CEP83: variants seen among roughly 807,000 people sequenced by gnomAD.
CEP83 encodes centrosomal protein of 83 kDa.
A neutral mutation model predicts 101.9 loss-of-function variants in CEP83; 70 were observed. The ratio of observed to expected loss-of-function variants is 0.69; its 90% confidence interval spans 0.57 to 0.84. CEP83 has a LOEUF of 0.84. Among genes scored for constraint, CEP83 ranks in the 40% least tolerant of loss-of-function variants. The pLI, the probability that CEP83 is intolerant of heterozygous loss-of-function variation, is 0.00. For synonymous variants in CEP83, 264 were observed against 267.9 expected, an observed-to-expected ratio of 0.99 and a Z score of 0.14; for missense variants, 715 against 787.2, an observed-to-expected ratio of 0.91 and a Z score of 1.10.
At chr12:94,356,277 TAAC>T (rs1206898922) in intron 11 of CEP83, among the ~76,000 whole-genome samples, 1 of 152,186 alleles carries the variant, frequency 6.6e-6, no homozygotes, top group Non-Finnish European at 1.5e-5. Context: ...TTCACACTGA[TAAC>T]AAGGAGGAAC....
intron 4 of CEP83, among the ~76,000 whole-genome samples, chr12:94,406,346 CAAA>C (rs1307329791): frequency 6.7e-6 from 1 of 149,542 alleles, no homozygotes; most frequent in East Asian, 2.0e-4. Flanking sequence ...CAAAACAAAA[CAAA>C]AACAACAACA....
chr12:94,305,327 G>A (rs1166289717), downstream of CEP83: 22 of 1,219,898 alleles, frequency 1.8e-5, no homozygotes, highest in African/African-American at 3.0e-5. Flanking sequence ...TTCTTCAGAC[G>A]ACTTGGGAGC....
chr12:94,426,803 G>C, intron 2 of CEP83, among the ~76,000 whole-genome samples: 1 of 152,110 alleles, frequency 6.6e-6, no homozygotes, highest in Non-Finnish European at 1.5e-5. Flanking sequence ...AAGAGGAAGA[G>C]GCAATGTGAC....
At chr12:94,358,962 T>C (rs2060613205) in intron 11 of CEP83, among the ~76,000 whole-genome samples, 2 of 152,256 alleles carry the variant, frequency 1.3e-5, no homozygotes, top group South Asian at 4.1e-4. Flanking sequence ...GGACAAGGAA[T>C]ACCTGGCCCG....
intron 8 of CEP83, among the ~76,000 whole-genome samples, chr12:94,373,774 T>C (rs931496372): frequency 6.6e-6 from 1 of 152,226 alleles, no homozygotes; most frequent in Non-Finnish European, 1.5e-5. Flanking sequence ...ATTTATGAAT[T>C]TGAGTAACTA....
At chr12:94,306,083 C>CA (rs1221715427), downstream of CEP83, 4 of 152,018 alleles carry the variant, frequency 2.6e-5, no homozygotes, top group South Asian at 4.1e-4. Context: ...GGATATTATA[C>CA]AAAAAAATCA....
chr12:94,459,849 G>T lies in CEP83; in HGVS notation c.-447C>A. 6.5e-6 allele frequency: 1 copy of T among 153,604 alleles called. No homozygotes were observed. The highest frequency in any genetic ancestry group is 2.0e-4 in the South Asian group (1 of 5,124). The allele number at this position is 153,604 out of a possible 1,614,324, so 9.5% of individuals were successfully genotyped here. Reference sequence around the variant, plus strand: ...GTGAAAAGCCCCACTCCTCCGCGTGGACCGGGATCCTCAGGGGTGCGGCGC... The same window carrying T: ...GTGAAAAGCCCCACTCCTCCGCGTGTACCGGGATCCTCAGGGGTGCGGCGC... On this transcript the variant is annotated 5_prime_UTR_variant, in exon 1 of 17. Coordinates refer to ENST00000397809, the MANE Select transcript of CEP83 (RefSeq NM_016122.3).
chr12:94,332,612 A>T (rs1441105710), intron 13 of CEP83, among the ~76,000 whole-genome samples: 1 of 152,182 alleles, frequency 6.6e-6, no homozygotes, highest in Non-Finnish European at 1.5e-5. Context: ...CATTTCAATC[A>T]AACACTTGAG....
chr12:94,382,778 T>C (rs1171045492), intron 6 of CEP83, among the ~76,000 whole-genome samples: 1 of 152,012 alleles, frequency 6.6e-6, no homozygotes, highest in African/African-American at 2.4e-5. Flanking sequence ...ATGGTCTATC[T>C]TGTATATGTT....
In CEP83 at chr12:94,308,730, T is replaced by C. The variant is rs755618373; in HGVS notation, c.*83A>G. ...AAGTGTTTTGGCAAACAGTAAAAAG[T>C]ATCTAAATGCCACAGGTTAAAATGT... On this transcript the variant is annotated 3_prime_UTR_variant, in exon 17 of 17. Coordinates refer to ENST00000397809, the MANE Select transcript of CEP83 (RefSeq NM_016122.3). The C allele has an allele frequency of 2.6e-4, 238 of 906,452 alleles. No homozygotes were observed. Among genetic ancestry groups the C allele is most frequent in the Admixed American group, 5.1e-4 (27 of 52,996 alleles). The allele number at this position is 906,452 out of a possible 1,614,324, so 56.2% of individuals were successfully genotyped here.
intron 11 of CEP83, among the ~76,000 whole-genome samples, chr12:94,354,485 C>T (rs1221694259): frequency 6.6e-6 from 1 of 152,104 alleles, no homozygotes; most frequent in Non-Finnish European, 1.5e-5. Context: ...CATGCTTGGC[C>T]AGAATATTCA....
chr12:94,278,144 ACC>A, the CEP83 span: 1 of 342,526 alleles, frequency 2.9e-6, no homozygotes, highest in Non-Finnish European at 5.6e-6. Context: ...GCTCCTTAAA[ACC>A]AAAAAAAACA....
At chr12:94,363,103 G>C (rs1462868208) in intron 11 of CEP83, among the ~76,000 whole-genome samples, 1 of 152,174 alleles carries the variant, frequency 6.6e-6, no homozygotes, top group Non-Finnish European at 1.5e-5. Flanking sequence ...ATAATTTCTG[G>C]TGTTCTACAG....
intron 11 of CEP83, among the ~76,000 whole-genome samples, chr12:94,341,769 AAAAAC>A (rs199788723): frequency 3.3e-5 from 5 of 152,224 alleles, no homozygotes; most frequent in East Asian, 1.9e-4. Flanking sequence ...CAAAAAACTA[AAAAAC>A]AAAACAAAAC....
intron 11 of CEP83, among the ~76,000 whole-genome samples, chr12:94,359,423 T>C (rs569868886): frequency 2.0e-5 from 3 of 151,946 alleles, no homozygotes; most frequent in African/African-American, 7.2e-5. Context: ...CCCAAATAAA[T>C]AAAATCAAAA....
intron 2 of CEP83, among the ~76,000 whole-genome samples, chr12:94,418,033 G>T (rs1205038072): frequency 2.0e-5 from 3 of 151,754 alleles, no homozygotes; most frequent in Admixed American, 6.6e-5. Context: ...TCTCAGAAAA[G>T]AAGGTAAAAA....
At chr12:94,283,085 G>C in the CEP83 span, among the ~76,000 whole-genome samples, 24 of 152,342 alleles carry the variant, frequency 1.6e-4, no homozygotes, top group East Asian at 4.4e-3. Context: ...TAAGAGCTGG[G>C]GCTGCATGGG....
chr12:94,269,798 C>T, the CEP83 span, among the ~76,000 whole-genome samples: 17 of 152,216 alleles, frequency 1.1e-4, no homozygotes, highest in Admixed American at 3.3e-4. Context: ...TGCAATAGTA[C>T]TGAAACCATT....
chr12:94,409,074 G>GTA (rs2063724307), intron 4 of CEP83, among the ~76,000 whole-genome samples: 1 of 151,542 alleles, frequency 6.6e-6, no homozygotes, highest in African/African-American at 2.4e-5. Flanking sequence ...GATAATGCAC[G>GTA]TATATTTTAA....
Sources: allele counts gnomAD v4.1 joint callset (sites outside exome capture counted in the v4.1 genomes callset), GRCh38; gene constraint gnomAD v4.1.1; transcripts MANE v1.5; gene names NCBI Gene and HGNC (gene_info 2026-07-23, HGNC 2026-07-21).